ACSF2: variants seen among roughly 807,000 people sequenced by gnomAD.
ACSF2 encodes medium-chain acyl-CoA ligase ACSF2, mitochondrial.
ACSF2 carries 52 observed loss-of-function variants against 79.3 expected under a neutral mutation model. That is an observed-to-expected ratio of 0.66 (90% CI 0.53 to 0.83). The LOEUF (loss-of-function observed/expected upper bound fraction) is 0.83, where lower values mean the gene tolerates loss of function less well. Ranked by LOEUF, ACSF2 falls within the 40% of genes least tolerant of loss-of-function variation. The pLI is 0.00. For missense variants in ACSF2, 661 were observed against 803.3 expected, an observed-to-expected ratio of 0.82 and a Z score of 2.14; for synonymous variants, 283 against 312.6, an observed-to-expected ratio of 0.91 and a Z score of 1.00.
intron 10 of ACSF2, among the ~76,000 whole-genome samples, chr17:50,470,380 C>A (rs1482951768): frequency 6.6e-6 from 1 of 152,080 alleles, no homozygotes; most frequent in African/African-American, 2.4e-5. Context: ...GGCTTTCCAA[C>A]CACTGGAAAT....
chr17:50,453,553 C>G (rs1445757140), intron 1 of ACSF2, among the ~76,000 whole-genome samples: 2 of 152,066 alleles, frequency 1.3e-5, no homozygotes, highest in Non-Finnish European at 2.9e-5. Flanking sequence ...TCAAAGAAAC[C>G]CAAACTGAGA....
chr17:50,469,403 G>A (rs2032988663), intron 10 of ACSF2, among the ~76,000 whole-genome samples: 1 of 152,178 alleles, frequency 6.6e-6, no homozygotes, highest in Non-Finnish European at 1.5e-5. Flanking sequence ...CCGAGCGTGA[G>A]AGCCGCCCCG....
Position 50,463,410 on chromosome 17 carries a change from C to T in ACSF2, c.904C>T (p.Arg302Trp), listed in dbSNP as rs199781071. The T allele has an allele frequency of 1.4e-5, 23 of 1,613,938 alleles. No individual in the cohort carries two copies. In the East Asian group the frequency reaches 1.8e-4, roughly 13 times the overall value. The change falls in exon 8 of 16, where the codon CGG becomes TGG. Residue 302 changes from arginine to tryptophan, a missense_variant. By Grantham distance (101) the Arg-to-Trp change is moderately radical. Coordinates refer to ENST00000300441, the MANE Select transcript of ACSF2 (RefSeq NM_025149.6). This position sits in a 1 kb window ranked among gnomAD's most constrained non-coding sequence, Gnocchi z 4.6. ...KLHEKTPEQL[R>W]MILPNPLYHC... ...CCATCACCAGACACCAGAGCAGTTG[C>T]GGATGATCCTGCCCAACCCCCTGTA... is the stretch of plus-strand genomic sequence containing the variant.
At chr17:50,438,820 G>A (rs1000216443) in intron 1 of ACSF2, among the ~76,000 whole-genome samples, 4 of 152,040 alleles carry the variant, frequency 2.6e-5, no homozygotes, top group Non-Finnish European at 4.4e-5. Context: ...ACCTGTCTCC[G>A]ACTCCCAAAG....
At chr17:50,445,190 T>C (rs987642897) in intron 1 of ACSF2, among the ~76,000 whole-genome samples, 4 of 152,186 alleles carry the variant, frequency 2.6e-5, no homozygotes, top group African/African-American at 7.2e-5. Flanking sequence ...GTTGGGATTA[T>C]AGGCATGAGC....
At chr17:50,437,702 C>T (rs1172636417) in intron 1 of ACSF2, among the ~76,000 whole-genome samples, 1 of 152,006 alleles carries the variant, frequency 6.6e-6, no homozygotes, top group Non-Finnish European at 1.5e-5. Flanking sequence ...ACATAACAGG[C>T]GCTGTGGGTC....
rs755116104 is a variant in ACSF2, at chr17:50,473,923, G to A, written c.1647G>A (p.Gly549=). ...TGGGAGTGAAGGACGATCGGATGGG[G>A]GAAGAGATTTGTGCCTGCATTCGGC... ...QVVGVKDDRM[G]EEICACIRLK... Residue 549 remains glycine, a synonymous_variant, in exon 14 of 16, where the codon GGG becomes GGA. Coordinates refer to ENST00000300441, the MANE Select transcript of ACSF2 (RefSeq NM_025149.6). The A allele has an allele frequency of 6.3e-7, 1 of 1,579,680 alleles. No individual in the cohort carries two copies.
chr17:50,461,573 G>A (rs1740397082), intron 3 of ACSF2, 60 bp from the exon 4 acceptor site: 22 of 1,609,732 alleles, frequency 1.4e-5, no homozygotes, highest in Non-Finnish European at 1.9e-5. Context: ...GGGGGCGGAG[G>A]GGCAGCAGGA....
At chr17:50,430,336 T>C (rs956057435) in intron 1 of ACSF2, among the ~76,000 whole-genome samples, 1 of 152,182 alleles carries the variant, frequency 6.6e-6, no homozygotes, top group Non-Finnish European at 1.5e-5. Context: ...TTGCCCTGAT[T>C]ATATGATCTG....
chr17:50,464,574 G>A (rs1333301544), intron 10 of ACSF2: 6 of 592,096 alleles, frequency 1.0e-5, no homozygotes, highest in African/African-American at 1.8e-5. Flanking sequence ...GCAAAGCACC[G>A]ATGTCCTGCT....
Position 50,460,885 on chromosome 17 carries a change from C to T in ACSF2, c.324+13C>T. 1 of 1,601,654 alleles carries T rather than the reference C, an allele frequency of 6.2e-7. No individual in the cohort carries two copies. The highest frequency in any genetic ancestry group is 8.5e-7 in the Non-Finnish European group (1 of 1,172,792). On this transcript the variant is annotated intron_variant, in intron 2 of 15. Transcript: ENST00000300441. ...ACTCAAGGAGGAGGTGGGTCCTGAC[C>T]TGGAAACCTCAAAGTGGGCAAGTAC...
intron 1 of ACSF2, among the ~76,000 whole-genome samples, chr17:50,446,669 A>G (rs556117134): frequency 1.3e-5 from 2 of 152,344 alleles, no homozygotes; most frequent in African/African-American, 4.8e-5. Context: ...TCTTTAAGTC[A>G]CTGACCCTCA....
intron 10 of ACSF2, chr17:50,469,803 G>A (rs1016031436): frequency 6.6e-6 from 1 of 152,578 alleles, no homozygotes; most frequent in Non-Finnish European, 1.5e-5. Context: ...GTGGCCCCAG[G>A]ACTGTGAGGA....
In ACSF2 at chr17:50,472,560, G is replaced by A. The variant is rs759815272; in HGVS notation, c.1456G>A (p.Asp486Asn). 12 of 1,609,764 alleles carry A rather than the reference G, an allele frequency of 7.5e-6. No homozygotes were observed. In the South Asian group the frequency reaches 1.3e-4, roughly 18 times the overall value. The change falls in exon 12 of 16, where the codon GAC (aspartate) becomes AAC (asparagine). Residue 486 changes from aspartate (D) to asparagine (N), a missense_variant. By Grantham distance (23) the Asp-to-Asn change is conservative. Coordinates refer to ENST00000300441, the MANE Select transcript of ACSF2 (RefSeq NM_025149.6). ...PQKTEEAVDQ[D>N]KWYWTGDVAT... ...GAAGACAGAGGAAGCAGTGGATCAG[G>A]ACAAGTGGTATTGGACAGGGTGAGA...
At chr17:50,426,517 C>T (rs1914998323) in intron 1 of ACSF2, 128 bp downstream of exon 1, 1 of 1,142,662 alleles carries the variant, frequency 8.8e-7, no homozygotes, top group South Asian at 3.0e-5. Context: ...CGCCCCTCCC[C>T]CGCCCCCCGC....
chr17:50,426,979 A>C (rs1237653948), intron 1 of ACSF2: 1 of 1,535,628 alleles, frequency 6.5e-7, no homozygotes, highest in Non-Finnish European at 8.7e-7. Context: ...GCAGCAGCAC[A>C]GTAAGTAAAG....
intron 10 of ACSF2, chr17:50,465,180 A>C: frequency 7.8e-7 from 1 of 1,277,064 alleles, no homozygotes. Context: ...CTCTCTCTGT[A>C]AAAATGGAGG....
intron 1 of ACSF2, among the ~76,000 whole-genome samples, chr17:50,444,581 G>T (rs903091406): frequency 4.0e-5 from 6 of 151,276 alleles, no homozygotes; most frequent in Non-Finnish European, 8.8e-5. Context: ...AATATCAGCT[G>T]CTAAAGGATC....
intron 10 of ACSF2, chr17:50,467,879 T>A: frequency 3.1e-6 from 2 of 650,444 alleles, no homozygotes; most frequent in Non-Finnish European, 5.2e-6. Flanking sequence ...GGTAGGGATG[T>A]GACAAGGCGA....
Sources: gnomAD v4.1 joint callset for allele counts (sites outside exome capture counted in the v4.1 genomes callset) on GRCh38, gnomAD v4.1.1 for gene constraint, Gnocchi (gnomAD v3.1) non-coding constraint, MANE v1.5 for transcripts, NCBI Gene and HGNC (gene_info 2026-07-23, HGNC 2026-07-21) for gene names.